RPL15: variants seen among roughly 807,000 people sequenced by gnomAD.
The protein encoded by RPL15 is large ribosomal subunit protein eL15.
For synonymous variants in RPL15, 97 were observed against 95.1 expected, an observed-to-expected ratio of 1.02 and a Z score of -0.12; for missense variants, 161 against 271.8, an observed-to-expected ratio of 0.59 and a Z score of 2.87.
rs191714155 is a variant in RPL15, at chr3:23,920,354, G to A, written c.*853G>A. 11 of 985,486 alleles carry A rather than the reference G, an allele frequency of 1.1e-5. No individual in the cohort carries two copies. The highest frequency in any genetic ancestry group is 1.3e-5 in the Non-Finnish European group (11 of 829,896). 61.0% of individuals were successfully genotyped at this position (985,486 alleles called of 1,614,324 possible). ...GTTACCCACTCTGTCCACTCCCATA[G>A]GCTACAGAAAAAGTCACAAGCGCAT... On this transcript the variant is annotated 3_prime_UTR_variant, in exon 4 of 4. Coordinates refer to ENST00000307839, the MANE Select transcript of RPL15 (RefSeq NM_002948.5).
Position 23,917,869 on chromosome 3 carries a change from T to C in RPL15, c.10T>C (p.Tyr4His). The C allele has an allele frequency of 1.9e-6, 3 of 1,609,194 alleles. No homozygotes were observed. The highest frequency in any genetic ancestry group is 2.5e-6 in the Non-Finnish European group (3 of 1,178,602). ...TCACAGGTAAGCCAAGATGGGTGCATACAAGTACATCCAGGAGCTATGGAG... is the reference window on the plus strand; with the variant it reads ...TCACAGGTAAGCCAAGATGGGTGCACACAAGTACATCCAGGAGCTATGGAG... Reference protein sequence around the residue: MGAYKYIQELWRKK... With the variant: MGAHKYIQELWRKK... The change falls in exon 2 of 4, where the codon TAC becomes CAC. Residue 4 changes from tyrosine to histidine, a missense_variant. Coordinates refer to ENST00000307839, the MANE Select transcript of RPL15 (RefSeq NM_002948.5).
rs572331444 is a variant in RPL15 at position 23,918,800 on chromosome 3, G to A, written c.309+224G>A. 1.6e-4 allele frequency: 95 copies of A among 590,420 alleles called. No homozygotes were observed. In the South Asian group the frequency reaches 2.0e-3, roughly 13 times the overall value. The allele number at this position is 590,420 out of a possible 1,614,324, so 36.6% of individuals were successfully genotyped here. On this transcript the variant is annotated intron_variant, in intron 3 of 3. Transcript: ENST00000307839. Reference sequence around the variant, plus strand: ...ACTTGTGGAACCTAAGCTTTAAAGCGGCAAGAATATGCAGAAGAGACCAAA... The same window carrying A: ...ACTTGTGGAACCTAAGCTTTAAAGCAGCAAGAATATGCAGAAGAGACCAAA...
chr3:23,922,326 G>C (rs1705117430), downstream of RPL15: 1 of 152,224 alleles, frequency 6.6e-6, no homozygotes, highest in African/African-American at 2.4e-5. The surrounding 1 kb of genome is among the most constrained non-coding windows in gnomAD (Gnocchi z 4.2). Context: ...GAAACACAAA[G>C]ATGAAGCAAC....
At chr3:23,917,717 C>T (rs949888010) in intron 1 of RPL15, 133 bp from the exon 2 acceptor site, 28 of 885,498 alleles carry the variant, frequency 3.2e-5, no homozygotes, top group Non-Finnish European at 4.3e-5. Flanking sequence ...GCTAGCTGTC[C>T]CCGGCAGTTG....
At position 23,919,589 on chromosome 3, in the gene RPL15, G is replaced by C; in HGVS notation, c.*88G>C. 1 of 1,424,430 alleles carries C rather than the reference G, an allele frequency of 7.0e-7. No individual in the cohort carries two copies. Among genetic ancestry groups the C allele is most frequent in the South Asian group, 1.6e-5 (1 of 63,788 alleles). The allele number at this position is 1,424,430 out of a possible 1,614,324, so 88.2% of individuals were successfully genotyped here. On this transcript the variant is annotated 3_prime_UTR_variant, in exon 4 of 4. Coordinates refer to ENST00000307839, the MANE Select transcript of RPL15 (RefSeq NM_002948.5). The stretch of plus-strand genomic sequence containing the variant: ...AGGTGTTATTTGTCTGTTAAAACTA[G>C]TCTGCAGATGTTTCTTGAATGCTTT...
At position 23,919,234 on chromosome 3, in the gene RPL15, G is replaced by C. The variant is rs1298827643; in HGVS notation, c.348G>C (p.Leu116=). The change falls in exon 4 of 4, where the codon CTG becomes CTC. Residue 116 remains leucine, a synonymous_variant. Coordinates refer to ENST00000307839, the MANE Select transcript of RPL15 (RefSeq NM_002948.5). Reference sequence around the variant, plus strand: ...GCCACTGTGGGGCTCTGAGAGTCCTGAATTCTTACTGGGTTGGTGAAGATT... The same window carrying C: ...GCCACTGTGGGGCTCTGAGAGTCCTCAATTCTTACTGGGTTGGTGAAGATT... ...AGRHCGALRV[L]NSYWVGEDST... 1.2e-6 allele frequency: 2 copies of C among 1,613,746 alleles called. No homozygotes were observed. Among genetic ancestry groups the C allele is most frequent in the Non-Finnish European group, 1.7e-6 (2 of 1,179,880 alleles).
chr3:23,924,615 G>A (rs886285109), downstream of RPL15, among the ~76,000 whole-genome samples: 1 of 152,068 alleles, frequency 6.6e-6, no homozygotes, highest in East Asian at 1.9e-4. Context: ...TGCCAGGCTG[G>A]TCTATTACCC....
chr3:23,920,150 C>G lies in RPL15; in HGVS notation c.*649C>G. On this transcript the variant is annotated 3_prime_UTR_variant, in exon 4 of 4. Coordinates refer to ENST00000307839, the MANE Select transcript of RPL15 (RefSeq NM_002948.5). ...TAGCAATGAATGCTAGGGTGGGAAG[C>G]TGGTGAGCCAGTGGCCATTAGATAA... The G allele has an allele frequency of 1.0e-6, 1 of 985,778 alleles. No homozygotes were observed. Among genetic ancestry groups the G allele is most frequent in the Non-Finnish European group, 1.2e-6 (1 of 829,852 alleles). The allele number at this position is 985,778 out of a possible 1,614,324, so 61.1% of individuals were successfully genotyped here. A position where few individuals can be genotyped will look rare whatever the true frequency, so the allele number is the denominator to read the frequency against.
At position 23,917,991 on chromosome 3, in the gene RPL15, G is replaced by A. The variant is rs755759871; in HGVS notation, c.132G>A (p.Arg44=). ...TCCACAGGGCTCCCCGCCCCACCCG[G>A]CCTGATAAAGCGCGCCGACTGGGCT... The part of the protein sequence containing the change: ...SALHRAPRPT[R]PDKARRLGYK... The change falls in exon 2 of 4, where the codon CGG becomes CGA. Residue 44 remains arginine (R), a synonymous_variant. Transcript: ENST00000307839. 43 of 1,611,494 alleles carry A rather than the reference G, an allele frequency of 2.7e-5. No individual in the cohort carries two copies. Among genetic ancestry groups the A allele is most frequent in the Non-Finnish European group, 3.5e-5 (41 of 1,179,236 alleles).
Position 23,920,385 on chromosome 3 carries a change from C to A in RPL15, c.*884C>A. ...AGAAAAAGTCACAAGCGCATGGTTT[C>A]CAACCATATGTGTTTTCTGCAGTTA... On this transcript the variant is annotated 3_prime_UTR_variant, in exon 4 of 4. Transcript: ENST00000307839. 3 of 985,266 alleles carry A rather than the reference C, an allele frequency of 3.0e-6. No individual in the cohort carries two copies. Among genetic ancestry groups the A allele is most frequent in the Non-Finnish European group, 3.6e-6 (3 of 829,734 alleles). The allele number at this position is 985,266 out of a possible 1,614,324, so 61.0% of individuals were successfully genotyped here.
chr3:23,919,154 G>T (rs1271230461), intron 3 of RPL15, 42 bp from the exon 4 acceptor site: 1 of 1,361,798 alleles, frequency 7.3e-7, no homozygotes, highest in Non-Finnish European at 1.0e-6. Flanking sequence ...GCTGCTATAG[G>T]CAATGTGGGA....
At chr3:23,916,638 G>A (rs1171022329), upstream of RPL15, 1 of 152,496 alleles carries the variant, frequency 6.6e-6, no homozygotes, top group African/African-American at 2.4e-5. Flanking sequence ...TGGGAGGCTG[G>A]GGAAGCGTCG....
downstream of RPL15, chr3:23,921,733 C>T: frequency 1.6e-6 from 1 of 625,588 alleles, no homozygotes; most frequent in Non-Finnish European, 2.8e-6. Flanking sequence ...CACTGCCATG[C>T]CCAGCTAAGT....
At chr3:23,924,112 A>T (rs1214270902), downstream of RPL15, 1 of 152,236 alleles carries the variant, frequency 6.6e-6, no homozygotes, top group African/African-American at 2.4e-5. Context: ...TATTAATACA[A>T]GATGGGTGAA....
Position 23,919,396 on chromosome 3 carries a change from G to A in RPL15, c.510G>A (p.Lys170=). 6.2e-7 allele frequency: 1 copy of A among 1,603,224 alleles called. No homozygotes were observed. Among genetic ancestry groups the A allele is most frequent in the Non-Finnish European group, 8.5e-7 (1 of 1,179,964 alleles). The change falls in exon 4 of 4, where the codon AAG becomes AAA. Residue 170 remains lysine, a synonymous_variant. Transcript: ENST00000307839. ...GTGGGCTGACATCTGCAGGCCGAAAGAGCCGTGGCCTTGGAAAGGGCCACA... is the reference window on the plus strand; with the variant it reads ...GTGGGCTGACATCTGCAGGCCGAAAAAGCCGTGGCCTTGGAAAGGGCCACA... ...EMRGLTSAGR[K]SRGLGKGHKF... is the part of the protein sequence containing the mutation.
downstream of RPL15, chr3:23,922,294 T>G (rs1247805099): frequency 6.6e-6 from 1 of 152,276 alleles, no homozygotes; most frequent in East Asian, 1.9e-4. This position sits in a 1 kb window ranked among gnomAD's most constrained non-coding sequence, Gnocchi z 4.2. Context: ...GTTACTAGTA[T>G]TAATCCTTTT....
chr3:23,918,081 G>A (rs542578077), intron 2 of RPL15, 50 bp downstream of exon 2: 1 of 1,574,620 alleles, frequency 6.4e-7, no homozygotes, highest in South Asian at 1.2e-5. Context: ...TTCGAGAAAA[G>A]TTGGAAACCA....
At chr3:23,921,494 C>A (rs185552135), downstream of RPL15, 902 of 659,904 alleles carry the variant, frequency 1.4e-3, no homozygotes, top group Non-Finnish European at 1.4e-3. Flanking sequence ...ATACCCTGAC[C>A]GCCCCACAAG....
intron 3 of RPL15, chr3:23,918,782 G>T: frequency 1.6e-6 from 1 of 633,260 alleles, no homozygotes; most frequent in Non-Finnish European, 2.6e-6. Flanking sequence ...AGTACTTGTG[G>T]AACCTAAGCT....
Sources: gnomAD v4.1 joint callset for allele counts (sites outside exome capture counted in the v4.1 genomes callset) on GRCh38, gnomAD v4.1.1 for gene constraint, Gnocchi (gnomAD v3.1) non-coding constraint, MANE v1.5 for transcripts, NCBI Gene and HGNC (gene_info 2026-07-23, HGNC 2026-07-21) for gene names.